Variants in CACNB2 observed in about 807,000 individuals in gnomAD.
CACNB2 encodes the protein voltage-dependent L-type calcium channel subunit beta-2.
Under a neutral mutation model 73.3 loss-of-function variants are expected in CACNB2, and 42 were observed. That is an observed-to-expected ratio of 0.57 (90% CI 0.45 to 0.74). The LOEUF is 0.74. Among genes scored for constraint, CACNB2 ranks in the 30% least tolerant of loss-of-function variants. The pLI is 0.00. For synonymous variants in CACNB2, 348 were observed against 310.3 expected, an observed-to-expected ratio of 1.12 and a Z score of -1.28; for missense variants, 940 against 853.0, an observed-to-expected ratio of 1.10 and a Z score of -1.27.
Position 18,303,818 on chromosome 10 carries a change from G to A in CACNB2, c.214-98106G>A, listed in dbSNP as rs1377733827. On this transcript the variant is annotated intron_variant, in intron 2 of 13. Transcript: ENST00000324631. Reference sequence around the variant, plus strand: ...GTTTTCCAGTCCGTTCAGTGGGGGAGCGTTAAACCTGTCCTACCCACCTCA... The same window carrying A: ...GTTTTCCAGTCCGTTCAGTGGGGGAACGTTAAACCTGTCCTACCCACCTCA... 3.9e-5 allele frequency among the ~76,000 whole-genome samples: 6 copies of A among 152,176 alleles called. No homozygotes were observed. In the South Asian group the frequency reaches 1.0e-3, roughly 26 times the overall value.
At chr10:18,374,603 G>T (rs2042718876) in intron 2 of CACNB2, among the ~76,000 whole-genome samples, 1 of 152,092 alleles carries the variant, frequency 6.6e-6, no homozygotes, top group African/African-American at 2.4e-5. Flanking sequence ...ATTAGTCAAG[G>T]CTAAGGTGGT....
chr10:18,495,545 CTGTG>C (rs59858946), intron 3 of CACNB2, among the ~76,000 whole-genome samples: 8,786 of 124,476 alleles, frequency 0.071, 353 homozygotes, highest in African/African-American at 0.099. Context: ...AGTATAAAAA[CTGTG>C]TGTGTGTGTG....
intron 2 of CACNB2, among the ~76,000 whole-genome samples, chr10:18,212,928 G>A (rs1004213041): frequency 1.3e-5 from 2 of 152,112 alleles, no homozygotes; most frequent in African/African-American, 4.8e-5. Context: ...ATATGACCTC[G>A]GATCAAATGT....
At chr10:18,402,388 T>TAAAAAAAAAAAAAAAAAAAAAAA (rs373595136) in intron 3 of CACNB2, among the ~76,000 whole-genome samples, 1 of 38,746 alleles carries the variant, frequency 2.6e-5, no homozygotes, top group Non-Finnish European at 4.4e-5. Flanking sequence ...ATATCTCTGT[T>TAAAAAAAAAAAAAAAAAAAAAAA]AAGAAAAAAA....
At chr10:18,336,956 A>G (rs1199672556) in intron 2 of CACNB2, among the ~76,000 whole-genome samples, 2 of 152,202 alleles carry the variant, frequency 1.3e-5, no homozygotes, top group Non-Finnish European at 2.9e-5. Context: ...GAAAAAATAA[A>G]TACCCTCAAA....
chr10:18,342,554 A>T (rs1251195208), intron 2 of CACNB2, among the ~76,000 whole-genome samples: 1 of 152,206 alleles, frequency 6.6e-6, no homozygotes, highest in Non-Finnish European at 1.5e-5. Context: ...AGGGATGTTT[A>T]GTCTTTTAAA....
At chr10:18,321,205 T>C (rs1324849091) in intron 2 of CACNB2, among the ~76,000 whole-genome samples, 1 of 152,190 alleles carries the variant, frequency 6.6e-6, no homozygotes, top group African/African-American at 2.4e-5. Context: ...AAGTTGATAT[T>C]GAGCCTCTGA....
intron 3 of CACNB2, among the ~76,000 whole-genome samples, chr10:18,438,990 C>A (rs7917206): frequency 6.6e-6 from 1 of 152,082 alleles, no homozygotes; most frequent in Non-Finnish European, 1.5e-5. Context: ...TGGTGGTAAA[C>A]TGAAGGTCAT....
At chr10:18,324,484 C>A (rs904440707) in intron 2 of CACNB2, among the ~76,000 whole-genome samples, 2 of 152,228 alleles carry the variant, frequency 1.3e-5, no homozygotes, top group African/African-American at 4.8e-5. Context: ...CATAAATAAG[C>A]CAATTGGGAA....
chr10:18,451,956 C>G (rs1364652404), intron 3 of CACNB2, among the ~76,000 whole-genome samples: 1 of 152,140 alleles, frequency 6.6e-6, no homozygotes, highest in South Asian at 2.1e-4. Flanking sequence ...TGTATAAATT[C>G]AGGTTGCCAA....
intron 2 of CACNB2, among the ~76,000 whole-genome samples, chr10:18,364,654 T>C (rs2042277392): frequency 1.3e-5 from 2 of 152,148 alleles, no homozygotes; most frequent in Admixed American, 1.3e-4. Flanking sequence ...TCTACATTTC[T>C]CACCCTCTTC....
intron 3 of CACNB2, among the ~76,000 whole-genome samples, chr10:18,479,426 A>T (rs909962888): frequency 6.6e-6 from 1 of 152,124 alleles, no homozygotes; most frequent in South Asian, 2.1e-4. Flanking sequence ...ATAAAAAAAA[A>T]CTTAAGAGAA....
chr10:18,334,523 A>G (rs1165052492), intron 2 of CACNB2, among the ~76,000 whole-genome samples: 1 of 152,160 alleles, frequency 6.6e-6, no homozygotes, highest in Non-Finnish European at 1.5e-5. Flanking sequence ...CTTCACATTG[A>G]CAGCTTTGAC....
At chr10:18,438,665 C>T (rs1459188722) in intron 3 of CACNB2, among the ~76,000 whole-genome samples, 1 of 152,266 alleles carries the variant, frequency 6.6e-6, no homozygotes, top group Non-Finnish European at 1.5e-5. Context: ...GTGCCCTCTG[C>T]TCACAGTTCT....
intron 3 of CACNB2, among the ~76,000 whole-genome samples, chr10:18,422,567 C>A (rs2045382544): frequency 6.6e-6 from 1 of 152,204 alleles, no homozygotes; most frequent in Non-Finnish European, 1.5e-5. Context: ...CGTCACCTCC[C>A]ACCCCAAATA....
chr10:18,400,977 C>G, intron 2 of CACNB2: 2 of 1,613,288 alleles, frequency 1.2e-6, no homozygotes, highest in Non-Finnish European at 1.7e-6. Context: ...TCAGCGCGCA[C>G]TGAGAACCTG....
At position 18,363,924 on chromosome 10, in the gene CACNB2, A is replaced by G. The variant is rs565662644; in HGVS notation, c.214-38000A>G. 4.6e-4 allele frequency among the ~76,000 whole-genome samples: 70 copies of G among 151,760 alleles called. 2 individuals carry two copies. The highest frequency in any genetic ancestry group is 1.7e-3 in the African/African-American group (70 of 41,444). On this transcript the variant is annotated intron_variant, in intron 2 of 13. Coordinates refer to ENST00000324631, the MANE Select transcript of CACNB2 (RefSeq NM_201596.3). Reference sequence around the variant, plus strand: ...AATATTTTTATTAATGCTGTTGCGAATAGTAGGGTCTTGAAGGCAGTTTAA... The same window carrying G: ...AATATTTTTATTAATGCTGTTGCGAGTAGTAGGGTCTTGAAGGCAGTTTAA...
chr10:18,347,797 A>G (rs916071899), intron 2 of CACNB2, among the ~76,000 whole-genome samples: 2 of 152,124 alleles, frequency 1.3e-5, no homozygotes, highest in African/African-American at 2.4e-5. Context: ...TGAGCCTGAG[A>G]TCCTTTCTGT....
chr10:18,501,029 C>T (rs984195648), intron 5 of CACNB2, 81 bp downstream of exon 5: 1 of 1,324,644 alleles, frequency 7.5e-7, no homozygotes, highest in African/African-American at 1.5e-5. Flanking sequence ...TATTCTGTAT[C>T]CTTTATTATG....
Sources: allele counts gnomAD v4.1 joint callset (sites outside exome capture counted in the v4.1 genomes callset), GRCh38; gene constraint gnomAD v4.1.1; transcripts MANE v1.5; gene names NCBI Gene and HGNC (gene_info 2026-07-23, HGNC 2026-07-21).